Variants in MBNL1 observed in about 807,000 individuals in gnomAD.
MBNL1 encodes muscleblind-like protein 1.
A neutral mutation model predicts 42.2 loss-of-function variants in MBNL1; 8 were observed. The observed-to-expected ratio is 0.19, with a 90% CI of 0.11 to 0.34. The LOEUF (loss-of-function observed/expected upper bound fraction) is 0.34. Among genes scored for constraint, MBNL1 ranks in the 10% least tolerant of loss-of-function variants. MBNL1 has a pLI of 1.00. For synonymous variants in MBNL1, 169 were observed against 173.9 expected, an observed-to-expected ratio of 0.97 and a Z score of 0.22; for missense variants, 309 against 495.3, an observed-to-expected ratio of 0.62 and a Z score of 3.57.
At chr3:152,288,000 A>G (rs2150820272) in intron 1 of MBNL1, among the ~76,000 whole-genome samples, 1 of 152,316 alleles carries the variant, frequency 6.6e-6, no homozygotes, top group South Asian at 2.1e-4. Flanking sequence ...TCTCTTTTGA[A>G]AGTACAAATT....
intron 2 of MBNL1, among the ~76,000 whole-genome samples, chr3:152,397,212 A>T (rs945952265): frequency 6.6e-6 from 1 of 151,996 alleles, no homozygotes; most frequent in Non-Finnish European, 1.5e-5. Context: ...GAATATGTTT[A>T]TTATTATTAT....
rs1256811075 is a variant in MBNL1, at chr3:152,433,574, C to A, written c.549+654C>A. Among the ~76,000 whole-genome samples, 5 of 151,946 alleles carry A rather than the reference C, an allele frequency of 3.3e-5. No homozygotes were observed. The East Asian group carries it at 5.8e-4, about 18-fold the overall frequency. ...GACCATCCTGGCTAACACGGTGAAA[C>A]CCCATCTCTACTAAAAATACAAAAA... On this transcript the variant is annotated intron_variant, in intron 4 of 9. Transcript: ENST00000324210.
rs541526044 is a variant in MBNL1 at position 152,354,114 on chromosome 3, G to C, written c.174+53747G>C. Among the ~76,000 whole-genome samples, 46 of 152,272 alleles carry C rather than the reference G, an allele frequency of 3.0e-4. No homozygotes were observed. In the South Asian group the frequency reaches 5.6e-3, roughly 19 times the overall value. ...TTTATTCATGTTCTCTCACCAGTCT[G>C]TGTTACATGAAGCTTTAATGATATT... On this transcript the variant is annotated intron_variant, in intron 2 of 9. Coordinates refer to ENST00000324210, the MANE Select transcript of MBNL1 (RefSeq NM_021038.5).
chr3:152,340,586 A>G, intron 2 of MBNL1: 6 of 1,613,992 alleles, frequency 3.7e-6, no homozygotes, highest in Non-Finnish European at 4.2e-6. Context: ...TGTTCACCAT[A>G]CATACTTCCA....
intron 5 of MBNL1, 135 bp downstream of exon 5, chr3:152,445,674 A>G: frequency 2.3e-6 from 2 of 885,216 alleles, no homozygotes; most frequent in Non-Finnish European, 3.4e-6. Flanking sequence ...GGTATCCCAG[A>G]CAATATATAA....
chr3:152,416,152 T>C (rs2098699003), intron 3 of MBNL1, among the ~76,000 whole-genome samples: 1 of 152,206 alleles, frequency 6.6e-6, no homozygotes, highest in Admixed American at 6.5e-5. Flanking sequence ...ATGTAATTAT[T>C]ATTCTCTTTT....
At chr3:152,390,837 C>G (rs1364322447) in intron 2 of MBNL1, among the ~76,000 whole-genome samples, 1 of 152,170 alleles carries the variant, frequency 6.6e-6, no homozygotes, top group African/African-American at 2.4e-5. Flanking sequence ...CTAAAGACTG[C>G]AGAGTAGCAG....
chr3:152,318,472 TTTTA>T (rs1215773289), intron 2 of MBNL1, among the ~76,000 whole-genome samples: 1 of 152,186 alleles, frequency 6.6e-6, no homozygotes, highest in African/African-American at 2.4e-5. Context: ...TAAAACTGCA[TTTTA>T]TTTGTTCTAA....
chr3:152,306,981 T>A (rs1301914064), intron 2 of MBNL1, among the ~76,000 whole-genome samples: 1 of 152,206 alleles, frequency 6.6e-6, no homozygotes, highest in Non-Finnish European at 1.5e-5. Context: ...TATCTTCTTA[T>A]AACTGTACTT....
At chr3:152,268,901 G>T (rs754843024), upstream of MBNL1, 3 of 455,080 alleles carry the variant, frequency 6.6e-6, no homozygotes, top group South Asian at 4.6e-5. Flanking sequence ...AGACCTCGGC[G>T]ATAAGAGGCT....
intron 9 of MBNL1, among the ~76,000 whole-genome samples, 197 bp from the exon 10 acceptor site, chr3:152,462,188 C>T (rs148958630): frequency 2.8e-4 from 43 of 152,090 alleles, no homozygotes; most frequent in Non-Finnish European, 5.3e-4. Context: ...TTAAATTGTA[C>T]GTGTTATTTC....
chr3:152,386,310 T>C (rs2097420484), intron 2 of MBNL1, among the ~76,000 whole-genome samples: 2 of 152,220 alleles, frequency 1.3e-5, no homozygotes, highest in South Asian at 4.1e-4. Flanking sequence ...CTTGGGAAAC[T>C]GTTACACCCT....
intron 3 of MBNL1, among the ~76,000 whole-genome samples, chr3:152,423,210 G>C (rs544581240): frequency 6.6e-6 from 1 of 151,926 alleles, no homozygotes; most frequent in East Asian, 1.9e-4. Flanking sequence ...ACTAATAAGA[G>C]AAGAATCAAA....
chr3:152,355,464 T>C lies in MBNL1; in HGVS notation c.174+55097T>C, dbSNP rs899196525. On this transcript the variant is annotated intron_variant, in intron 2 of 9. Transcript: ENST00000324210. ...ATCAGTTGAATAAAATGAAGCAAAA[T>C]ATCATAATCTTTGGTTTATTACTGT... Among the ~76,000 whole-genome samples, 16 of 152,152 alleles carry C rather than the reference T, an allele frequency of 1.1e-4. 1 individual carries two copies.
rs1274682671 is a variant in MBNL1, at chr3:152,463,697, A to AAAAT, written c.*1333_*1336dup. The AAAAT allele has an allele frequency of 6.6e-6, 1 of 152,464 alleles. No homozygotes were observed. The highest frequency in any genetic ancestry group is 2.4e-5 in the African/African-American group (1 of 41,468). 9.4% of individuals were successfully genotyped at this position (152,464 alleles called of 1,614,324 possible). A position where few individuals can be genotyped will look rare whatever the true frequency, so the allele number is the denominator to read the frequency against. ...GAAAGCCTTTTACAAAATTAAAAAA[A>AAAAT]AAATAGATGTGCATTCAGTTTTTAA... On this transcript the variant is annotated 3_prime_UTR_variant, in exon 10 of 10. Transcript: ENST00000324210.
At chr3:152,269,314 G>C in intron 1 of MBNL1, 1 of 348,502 alleles carries the variant, frequency 2.9e-6, no homozygotes, top group South Asian at 2.1e-5. Context: ...CTTCCCTGCC[G>C]CGGGCTCTGC....
chr3:152,359,021 A>T (rs1450300666), intron 2 of MBNL1, among the ~76,000 whole-genome samples: 1 of 152,254 alleles, frequency 6.6e-6, no homozygotes, highest in Non-Finnish European at 1.5e-5. Context: ...CTCATTCAAA[A>T]GCTAGATTTA....
At chr3:152,308,603 C>G (rs1320199240) in intron 2 of MBNL1, among the ~76,000 whole-genome samples, 3 of 152,112 alleles carry the variant, frequency 2.0e-5, no homozygotes, top group South Asian at 2.1e-4. Flanking sequence ...AAGTGACCCC[C>G]ATGTTTCTAA....
intron 2 of MBNL1, among the ~76,000 whole-genome samples, chr3:152,330,425 C>A (rs1031576816): frequency 6.6e-6 from 1 of 152,052 alleles, no homozygotes; most frequent in East Asian, 1.9e-4. Context: ...TAGCATGACA[C>A]CAGGACAAAA....
Sources: allele counts gnomAD v4.1 joint callset (sites outside exome capture counted in the v4.1 genomes callset), GRCh38; gene constraint gnomAD v4.1.1; transcripts MANE v1.5; gene names NCBI Gene and HGNC (gene_info 2026-07-23, HGNC 2026-07-21).